The following JADE2 variants were observed in gnomAD, a reference collection of about 807,000 sequenced individuals.
The protein encoded by JADE2 is E3 ubiquitin-protein ligase Jade-2.
Under a neutral mutation model 85.7 loss-of-function variants are expected in JADE2, and 13 were observed. That is an observed-to-expected ratio of 0.15 (90% CI 0.10 to 0.24). The LOEUF (loss-of-function observed/expected upper bound fraction) is 0.24, where lower values mean the gene tolerates loss of function less well. JADE2 is among the 10% of genes least tolerant of loss of function. The probability of loss-of-function intolerance (pLI) is 1.00; values close to 1 mark genes in which losing one functional copy is unlikely to be tolerated. For synonymous variants in JADE2, 440 were observed against 456.1 expected (o/e 0.96, Z 0.45); for missense variants, 846 against 1,115.9 (o/e 0.76, Z 3.45).
intron 1 of JADE2, among the ~76,000 whole-genome samples, chr5:134,531,885 T>C (rs1034894315): frequency 4.2e-4 from 27 of 63,596 alleles, no homozygotes; most frequent in African/African-American, 1.7e-3. Flanking sequence ...GTGCCTGGCT[T>C]TTTTTTTTTT....
intron 7 of JADE2, 68 bp from the exon 8 acceptor site, chr5:134,564,426 C>A (rs1256170367): frequency 9.3e-7 from 1 of 1,075,184 alleles, no homozygotes. Flanking sequence ...GACAAACCCC[C>A]ATTTTGGAGA....
At chr5:134,549,748 T>A (rs547377906) in intron 3 of JADE2, among the ~76,000 whole-genome samples, 6 of 152,336 alleles carry the variant, frequency 3.9e-5, no homozygotes, top group African/African-American at 1.4e-4. Context: ...ATAGTGACAC[T>A]GGGCTATTGT....
In JADE2 at chr5:134,552,180, G is replaced by A. The variant is rs750571288; in HGVS notation, c.282G>A (p.Gly94=). 3 of 1,614,224 alleles carry A rather than the reference G, an allele frequency of 1.9e-6. No homozygotes were observed. In the African/African-American group the frequency reaches 4.0e-5, roughly 22 times the overall value. ...AGAAAGGTGTGCAGGTGCCTGCCGG[G>A]GCAGAGGCCATCCCAGAGCCCGTGG... ...EWEKGVQVPA[G]AEAIPEPVVR... Residue 94 remains glycine (G), a synonymous_variant, in exon 4 of 12, where the codon GGG becomes GGA. Transcript: ENST00000681547.
chr5:134,580,571 A>T lies in JADE2; in HGVS notation c.*1254A>T, dbSNP rs1011351978. ...AACAAAAAAGGAATTCCGTGAAAAC[A>T]TTTTTTTTTCTTTGATGAATTACTC... is the stretch of plus-strand genomic sequence containing the variant. On this transcript the variant is annotated 3_prime_UTR_variant, in exon 12 of 12. Transcript: ENST00000681547. The T allele has an allele frequency of 2.7e-5, 4 of 150,378 alleles. No homozygotes were observed. Among genetic ancestry groups the T allele is most frequent in the Non-Finnish European group, 3.0e-5 (2 of 67,534 alleles). 9.3% of individuals were successfully genotyped at this position (150,378 alleles called of 1,614,324 possible). A position where few individuals can be genotyped will look rare whatever the true frequency, so the allele number is the denominator to read the frequency against.
intron 3 of JADE2, among the ~76,000 whole-genome samples, chr5:134,546,762 C>T (rs533798850): frequency 4.2e-5 from 6 of 143,680 alleles, no homozygotes; most frequent in South Asian, 4.4e-4. Context: ...AACGAGACAC[C>T]GTCTCAAAAA....
intron 10 of JADE2, 33 bp from the exon 11 acceptor site, chr5:134,576,735 A>G (rs756992778): frequency 6.5e-7 from 1 of 1,550,298 alleles, no homozygotes; most frequent in South Asian, 1.2e-5. Context: ...CAGGGTAACC[A>G]TCTCCCTCCT....
rs955235691 is a variant in JADE2 at position 134,578,971 on chromosome 5, T to A, written c.2159T>A (p.Leu720Gln). 6 of 1,613,628 alleles carry A rather than the reference T, an allele frequency of 3.7e-6. No individual in the cohort carries two copies. Among genetic ancestry groups the A allele is most frequent in the Admixed American group, 1.7e-5 (1 of 60,022 alleles). Residue 720 changes from leucine to glutamine, a missense_variant, in exon 12 of 12, where the codon CTG becomes CAG. Physicochemically the swap from Leu to Gln is moderately radical, Grantham distance 113 (BLOSUM62 -2). Transcript: ENST00000681547. This position sits in a 1 kb window ranked among gnomAD's most constrained non-coding sequence, Gnocchi z 4.4. ...ILATPESPPPLAPETPDEAAS... is the reference protein window; with the variant it reads ...ILATPESPPPQAPETPDEAAS... The stretch of plus-strand genomic sequence containing the variant: ...GCCACCCCTGAAAGCCCCCCGCCAC[T>A]GGCCCCTGAGACCCCGGACGAGGCA...
rs538054220 is a variant in JADE2 at position 134,539,140 on chromosome 5, C to T, written c.153+1057C>T. Reference sequence around the variant, plus strand: ...GCAGTGGCGTGATCTCGGCTCACTGCAAGCTCCGCCTCTTGGGTTCACGCC... The same window carrying T: ...GCAGTGGCGTGATCTCGGCTCACTGTAAGCTCCGCCTCTTGGGTTCACGCC... On this transcript the variant is annotated intron_variant, in intron 3 of 11. Transcript: ENST00000681547. 7.9e-5 allele frequency among the ~76,000 whole-genome samples: 12 copies of T among 151,748 alleles called. No individual in the cohort carries two copies. In the East Asian group the frequency reaches 1.9e-3, roughly 24 times the overall value.
intron 4 of JADE2, among the ~76,000 whole-genome samples, chr5:134,554,051 C>T (rs1762767055): frequency 6.6e-6 from 1 of 152,160 alleles, no homozygotes; most frequent in Non-Finnish European, 1.5e-5. Flanking sequence ...GCCTTGGCAA[C>T]CTTGTGGCTC....
In JADE2 at chr5:134,562,393, C is replaced by A; in HGVS notation, c.852+26C>A. The A allele has an allele frequency of 6.3e-7, 1 of 1,590,924 alleles. No individual in the cohort carries two copies. Among genetic ancestry groups the A allele is most frequent in the Non-Finnish European group, 8.6e-7 (1 of 1,164,466 alleles). On this transcript the variant is annotated intron_variant, in intron 7 of 11. Transcript: ENST00000681547. The surrounding 1 kb of genome is among the most constrained non-coding windows in gnomAD (Gnocchi z 4.6). ...GTGGGTGAGCGTGGAGGTGAGGCAG[C>A]CCAAGGAATAGCCCGTGGGGAAGTG... is the stretch of plus-strand genomic sequence containing the variant.
At chr5:134,553,362 C>CTT (rs58473839) in intron 4 of JADE2, among the ~76,000 whole-genome samples, 63,749 of 145,818 alleles carry the variant, frequency 0.44, 14,320 homozygotes, top group Non-Finnish European at 0.47. Context: ...TTATTCTTTT[C>CTT]TTTTTTTTTT....
chr5:134,566,622 C>A lies in JADE2; in HGVS notation c.1434+42C>A. On this transcript the variant is annotated intron_variant, in intron 9 of 11. Coordinates refer to ENST00000681547, the MANE Select transcript of JADE2 (RefSeq NM_001388185.1). The surrounding 1 kb of genome is among the most constrained non-coding windows in gnomAD (Gnocchi z 6.7). ...CCTGCCCACCCCCTGCCTGGTGGGT[C>A]CAGGAGTCCTTTCCATGCCACACTC... 2 of 1,386,218 alleles carry A rather than the reference C, an allele frequency of 1.4e-6. No individual in the cohort carries two copies. The highest frequency in any genetic ancestry group is 1.4e-5 in the South Asian group (1 of 73,908). 85.9% of individuals were successfully genotyped at this position (1,386,218 alleles called of 1,614,324 possible). A position where few individuals can be genotyped will look rare whatever the true frequency, so the allele number is the denominator to read the frequency against.
intron 1 of JADE2, among the ~76,000 whole-genome samples, chr5:134,527,949 A>T (rs1467155106): frequency 6.6e-6 from 1 of 152,164 alleles, no homozygotes; most frequent in African/African-American, 2.4e-5. Context: ...CATCTTCTGC[A>T]GGATCCCGAG....
In JADE2 at chr5:134,578,862, C is replaced by G; in HGVS notation, c.2050C>G (p.Gln684Glu). 6.2e-7 allele frequency: 1 copy of G among 1,613,774 alleles called. No homozygotes were observed. ...GQDAGSGKGG[Q>E]GPPTRKPPRR... ...GGATGCAGGCAGTGGCAAGGGGGGTCAAGGGCCACCTACCAGGAAGCCACC... is the reference window on the plus strand; with the variant it reads ...GGATGCAGGCAGTGGCAAGGGGGGTGAAGGGCCACCTACCAGGAAGCCACC... Residue 684 changes from glutamine (Q) to glutamate (E), a missense_variant, in exon 12 of 12, where the codon CAA becomes GAA. Transcript: ENST00000681547. This position sits in a 1 kb window ranked among gnomAD's most constrained non-coding sequence, Gnocchi z 4.4.
At position 134,562,821 on chromosome 5, in the gene JADE2, T is replaced by C. The variant is rs943378467; in HGVS notation, c.852+454T>C. ...TCTCAGGTGATGGGCCAGCAAAGAA[T>C]CCAGGCCGCAGCTATAGGGAGCTTT... On this transcript the variant is annotated intron_variant, in intron 7 of 11. Transcript: ENST00000681547. This position sits in a 1 kb window ranked among gnomAD's most constrained non-coding sequence, Gnocchi z 4.6. Among the ~76,000 whole-genome samples, 2 of 152,064 alleles carry C rather than the reference T, an allele frequency of 1.3e-5. No individual in the cohort carries two copies. Among genetic ancestry groups the C allele is most frequent in the Non-Finnish European group, 2.9e-5 (2 of 68,008 alleles).
intron 9 of JADE2, among the ~76,000 whole-genome samples, chr5:134,573,426 G>T (rs1308275858): frequency 6.6e-6 from 1 of 152,218 alleles, no homozygotes; most frequent in East Asian, 1.9e-4. Flanking sequence ...ACAGGGCTGA[G>T]GCTGTGTTTG....
chr5:134,577,098 G>A, intron 11 of JADE2: 1 of 591,128 alleles, frequency 1.7e-6, no homozygotes, highest in South Asian at 2.3e-5. Context: ...GACATCCTGG[G>A]AAATGCCCCG....
intron 1 of JADE2, 193 bp downstream of exon 1, chr5:134,526,204 T>G: frequency 3.0e-6 from 3 of 984,918 alleles, no homozygotes; most frequent in Non-Finnish European, 3.6e-6. Context: ...GGGAGAGAGA[T>G]TGCGCATGTT....
At chr5:134,526,962 C>G (rs1760876966) in intron 1 of JADE2, among the ~76,000 whole-genome samples, 1 of 152,176 alleles carries the variant, frequency 6.6e-6, no homozygotes, top group African/African-American at 2.4e-5. Flanking sequence ...CCCAACTCTG[C>G]CGGTTCGCGT....
Sources: allele counts gnomAD v4.1 joint callset (sites outside exome capture counted in the v4.1 genomes callset), GRCh38; gene constraint gnomAD v4.1.1; non-coding constraint Gnocchi (gnomAD v3.1); transcripts MANE v1.5; gene names NCBI Gene and HGNC (gene_info 2026-07-23, HGNC 2026-07-21).